Variants in ATF1 observed in about 807,000 individuals in gnomAD.
The protein encoded by ATF1 is activating transcription factor 1.
A neutral mutation model predicts 34.7 loss-of-function variants in ATF1; 16 were observed. The ratio of observed to expected loss-of-function variants is 0.46; its 90% confidence interval spans 0.31 to 0.70. The LOEUF (loss-of-function observed/expected upper bound fraction) is 0.70. ATF1 is among the 30% of genes least tolerant of loss of function. ATF1 has a pLI of 0.05. For synonymous variants in ATF1, 105 were observed against 113.1 expected (o/e 0.93, Z 0.46); for missense variants, 255 against 321.6 (o/e 0.79, Z 1.58).
At chr12:50,795,448 T>TC (rs1941390035) in intron 2 of ATF1, among the ~76,000 whole-genome samples, 1 of 152,214 alleles carries the variant, frequency 6.6e-6, no homozygotes, top group Admixed American at 6.5e-5. Context: ...AATTTATGTA[T>TC]CTAGCCCAGA....
intron 2 of ATF1, among the ~76,000 whole-genome samples, chr12:50,782,396 C>T (rs535405417): frequency 6.6e-6 from 1 of 151,906 alleles, no homozygotes; most frequent in South Asian, 2.1e-4. Context: ...GCTGGGACTA[C>T]AGGCGCCCGC....
chr12:50,800,170 A>G (rs919785164), intron 3 of ATF1, among the ~76,000 whole-genome samples: 1 of 152,248 alleles, frequency 6.6e-6, no homozygotes, highest in African/African-American at 2.4e-5. Context: ...CTCATCAGAA[A>G]CTATGGAGGT....
chr12:50,770,763 G>C (rs1278365740), intron 1 of ATF1, among the ~76,000 whole-genome samples: 2 of 152,108 alleles, frequency 1.3e-5, no homozygotes, highest in East Asian at 1.9e-4. Flanking sequence ...TTTTAAGTTT[G>C]TTTCTGCAAT....
At chr12:50,803,703 AT>A (rs1941560148) in intron 3 of ATF1, among the ~76,000 whole-genome samples, 1 of 152,212 alleles carries the variant, frequency 6.6e-6, no homozygotes, top group African/African-American at 2.4e-5. Flanking sequence ...CCAAATGTCC[AT>A]TAAGTGATGA....
chr12:50,819,535 A>T lies in ATF1; in HGVS notation c.672-100A>T, dbSNP rs1941906637. 2.2e-6 allele frequency: 3 copies of T among 1,348,174 alleles called. No individual in the cohort carries two copies. The African/African-American group carries it at 4.4e-5, about 20-fold the overall frequency. The allele number at this position is 1,348,174 out of a possible 1,614,324, so 83.5% of individuals were successfully genotyped here. ...TTCTCTGTGTGTAGATGATACTTTA[A>T]AGAGAAAAAAAGGTGACCACGGAAA... On this transcript the variant is annotated intron_variant, in intron 6 of 6. Coordinates refer to ENST00000262053, the MANE Select transcript of ATF1 (RefSeq NM_005171.5).
chr12:50,769,744 C>T (rs1940727005), intron 1 of ATF1, among the ~76,000 whole-genome samples: 1 of 152,140 alleles, frequency 6.6e-6, no homozygotes, highest in Admixed American at 6.6e-5. Flanking sequence ...AGTGGCTCTC[C>T]TAAAACTTTT....
At chr12:50,811,707 C>CTT (rs1309444644) in intron 4 of ATF1, among the ~76,000 whole-genome samples, 1 of 151,108 alleles carries the variant, frequency 6.6e-6, no homozygotes, top group Non-Finnish European at 1.5e-5. Flanking sequence ...AATGGGATCT[C>CTT]TTGAGTCTGG....
chr12:50,812,991 A>G (rs974344216), intron 4 of ATF1, among the ~76,000 whole-genome samples: 4 of 152,220 alleles, frequency 2.6e-5, no homozygotes, highest in Admixed American at 2.0e-4. Context: ...CTGGTAGCCA[A>G]AGCATAAAAG....
rs1940715629 is a variant in ATF1, at chr12:50,769,334, A to G, written c.-7+5027A>G. Among the ~76,000 whole-genome samples the G allele has an allele frequency of 2.0e-5, 3 of 152,046 alleles. No homozygotes were observed. In the South Asian group the frequency reaches 6.2e-4, roughly 32 times the overall value. ...AGTCTGGCCAACATGGTGAAACCCC[A>G]TCTCTATCAAAAAATACAAAAGTTA... On this transcript the variant is annotated intron_variant, in intron 1 of 6. Transcript: ENST00000262053.
chr12:50,773,465 T>TTTTC (rs1940831635), intron 1 of ATF1, among the ~76,000 whole-genome samples: 1 of 150,430 alleles, frequency 6.6e-6, no homozygotes, highest in Admixed American at 6.6e-5. Flanking sequence ...TTTTTTTTTT[T>TTTTC]TCGAGACAAA....
intron 2 of ATF1, 68 bp downstream of exon 2, chr12:50,780,306 C>A: frequency 7.5e-7 from 1 of 1,324,772 alleles, no homozygotes; most frequent in Non-Finnish European, 1.1e-6. Context: ...AATCTCGTTT[C>A]AGACTGATTA....
chr12:50,791,441 AGCT>A (rs1277633409), intron 2 of ATF1, among the ~76,000 whole-genome samples: 1 of 152,146 alleles, frequency 6.6e-6, no homozygotes. Flanking sequence ...CTGTAATCCC[AGCT>A]ACTCTGGAGG....
chr12:50,815,700 T>A (rs1941830227), intron 6 of ATF1, among the ~76,000 whole-genome samples: 1 of 151,926 alleles, frequency 6.6e-6, no homozygotes, highest in African/African-American at 2.4e-5. Context: ...CCCCAAAAAT[T>A]TAAAATTAGC....
chr12:50,781,520 G>A (rs980898758), intron 2 of ATF1, among the ~76,000 whole-genome samples: 4 of 151,898 alleles, frequency 2.6e-5, no homozygotes, highest in African/African-American at 7.3e-5. Context: ...GTACGATCTC[G>A]GGTCACTACA....
At chr12:50,806,026 C>G (rs546580969) in intron 3 of ATF1, among the ~76,000 whole-genome samples, 4 of 152,186 alleles carry the variant, frequency 2.6e-5, no homozygotes, top group East Asian at 3.9e-4. Context: ...TGGCGCACGC[C>G]TGTAATCCCA....
intron 2 of ATF1, among the ~76,000 whole-genome samples, chr12:50,795,118 T>G (rs74596662): frequency 6.6e-6 from 1 of 152,348 alleles, no homozygotes; most frequent in East Asian, 1.9e-4. Flanking sequence ...CATATATTTA[T>G]ACCTGCCATT....
chr12:50,801,271 A>T (rs577695523), intron 3 of ATF1, among the ~76,000 whole-genome samples: 1 of 152,360 alleles, frequency 6.6e-6, no homozygotes, highest in East Asian at 1.9e-4. Flanking sequence ...TAGTGATTCT[A>T]TGTAGACTAT....
intron 2 of ATF1, among the ~76,000 whole-genome samples, chr12:50,794,186 G>A (rs1592186460): frequency 6.6e-6 from 1 of 151,612 alleles, no homozygotes; most frequent in East Asian, 2.0e-4. Context: ...TCCTGACCTC[G>A]TGATCCACCC....
intron 2 of ATF1, among the ~76,000 whole-genome samples, chr12:50,793,981 C>T (rs1358516796): frequency 1.3e-5 from 2 of 151,684 alleles, no homozygotes; most frequent in African/African-American, 2.4e-5. Flanking sequence ...GCGGGAGCCT[C>T]GCTGTGTTGC....
Sources: gnomAD v4.1 joint callset for allele counts (sites outside exome capture counted in the v4.1 genomes callset) on GRCh38, gnomAD v4.1.1 for gene constraint, MANE v1.5 for transcripts, NCBI Gene and HGNC (gene_info 2026-07-23, HGNC 2026-07-21) for gene names.